Variants in C1QTNF8 observed in about 807,000 individuals in gnomAD.
C1QTNF8 encodes C1q and TNF related 8.
C1QTNF8 carries 27 observed loss-of-function variants against 19.2 expected under a neutral mutation model. That is an observed-to-expected ratio of 1.41 (90% CI 1.04 to 1.94). C1QTNF8 has a LOEUF of 1.94. C1QTNF8 is among the 30% of genes most tolerant of loss of function. C1QTNF8 has a pLI of 0.00. For missense variants in C1QTNF8, 484 were observed against 374.4 expected (o/e 1.29, Z -2.42); for synonymous variants, 208 against 172.8 (o/e 1.20, Z -1.60).
chr16:1,094,812 T>C lies in C1QTNF8; in HGVS notation c.111A>G (p.Gly37=). 4 of 1,500,554 alleles carry C rather than the reference T, an allele frequency of 2.7e-6. No individual in the cohort carries two copies. The highest frequency in any genetic ancestry group is 1.4e-5 in the African/African-American group (1 of 69,442). The allele number at this position is 1,500,554 out of a possible 1,614,324, so 93.0% of individuals were successfully genotyped here. A position where few individuals can be genotyped will look rare whatever the true frequency, so the allele number is the denominator to read the frequency against. The part of the protein sequence containing the change: ...VHCCRPAWPP[G]PYARVSDRDL... Reference sequence around the variant, plus strand: ...CCCTGTCACTCACCCGGGCATAGGGTCCAGGGGGCCAGGCCGGGCGGCAGC... The same window carrying C: ...CCCTGTCACTCACCCGGGCATAGGGCCCAGGGGGCCAGGCCGGGCGGCAGC... Residue 37 remains glycine, a synonymous_variant, in exon 3 of 5, where the codon GGA becomes GGG. Coordinates refer to ENST00000328449, the MANE Select transcript of C1QTNF8 (RefSeq NM_207419.3).
In C1QTNF8 at chr16:1,094,904, G is replaced by T. The variant is rs1960652955; in HGVS notation, c.19C>A (p.Leu7Met). The change falls in exon 3 of 5, where the codon CTG becomes ATG. Residue 7 changes from leucine (L) to methionine (M), a missense_variant. Physicochemically the swap from Leu to Met is conservative, Grantham distance 15. Transcript: ENST00000328449. MAAPAL[L>M]LLALLLPVGA... ...ACGGGCAGCAGCAGTGCTAGGAGCAGCAGGGCGGGGGCTGCCATCTTGGCC... is the reference window on the plus strand; with the variant it reads ...ACGGGCAGCAGCAGTGCTAGGAGCATCAGGGCGGGGGCTGCCATCTTGGCC... The T allele has an allele frequency of 7.5e-7, 1 of 1,339,234 alleles. No individual in the cohort carries two copies. Among genetic ancestry groups the T allele is most frequent in the Non-Finnish European group, 9.6e-7 (1 of 1,039,492 alleles). The allele number at this position is 1,339,234 out of a possible 1,614,324, so 83.0% of individuals were successfully genotyped here.
intron 2 of C1QTNF8, among the ~76,000 whole-genome samples, chr16:1,095,285 TGTGGCTGGGCAGAGCCCTGGGGCGTG>T (rs1289463102): frequency 6.6e-6 from 1 of 152,180 alleles, no homozygotes; most frequent in Non-Finnish European, 1.5e-5. Context: ...CCCCACCCAC[TGTGGCTGGGCAGAGCCCTGGGGCGTG>T]GTGGCTGGTC....
chr16:1,094,656 T>A (rs1391590551), intron 3 of C1QTNF8, 59 bp downstream of exon 3: 7 of 1,439,154 alleles, frequency 4.9e-6, no homozygotes, highest in Middle Eastern at 1.8e-4. Flanking sequence ...TGCTCCCCAC[T>A]CCCTGTGGGC....
rs779789670 is a variant in C1QTNF8, at chr16:1,093,696, G to A, written c.564C>T (p.Pro188=). The A allele has an allele frequency of 1.2e-6, 2 of 1,611,892 alleles. No homozygotes were observed. The highest frequency in any genetic ancestry group is 1.3e-5 in the African/African-American group (1 of 74,894). The part of the protein sequence containing the change: ...TYLHIMLNRR[P]AAVLYAQPSE... The stretch of plus-strand genomic sequence containing the variant: ...TGGGCTGCGCGTAGAGCACGGCCGC[G>A]GGCCGCCGGTTCAGCATGATGTGCA... Residue 188 remains proline (P), a synonymous_variant, in exon 4 of 5, where the codon CCC becomes CCT. Transcript: ENST00000328449.
At chr16:1,091,848 C>A (rs1488305768) in intron 4 of C1QTNF8, among the ~76,000 whole-genome samples, 1 of 145,752 alleles carries the variant, frequency 6.9e-6, no homozygotes, top group East Asian at 1.9e-4. Context: ...CCCACCCTCC[C>A]GGCCACCGTG....
At chr16:1,092,996 A>C (rs113286010) in intron 4 of C1QTNF8, among the ~76,000 whole-genome samples, 18 of 99,266 alleles carry the variant, frequency 1.8e-4, no homozygotes, top group African/African-American at 8.1e-4. Context: ...GTCGGCGCTC[A>C]ATCAATCCCT....
chr16:1,093,268 C>A (rs1960595385), intron 4 of C1QTNF8, among the ~76,000 whole-genome samples: 3 of 132,750 alleles, frequency 2.3e-5, no homozygotes. Context: ...TGCACACAGT[C>A]GGCGCTCAAC....
chr16:1,092,188 T>G (rs1245787298), intron 4 of C1QTNF8, among the ~76,000 whole-genome samples: 3 of 152,194 alleles, frequency 2.0e-5, no homozygotes, highest in Non-Finnish European at 4.4e-5. Flanking sequence ...CCAGCCCCTG[T>G]GAGGGCAGGT....
chr16:1,093,938 G>C lies in C1QTNF8; in HGVS notation c.322C>G (p.Pro108Ala). ...TAGGCACGTCGGCACGCGGCGCCCG[G>C]CGGCCCCACCTGCCCCTTCTGGCCT... Reference protein sequence around the residue: ...RRGQKGQVGPPGAACRRAYAA... With the variant: ...RRGQKGQVGPAGAACRRAYAA... Residue 108 changes from proline to alanine, a missense_variant, in exon 4 of 5, where the codon CCG (proline) becomes GCG (alanine). By Grantham distance (27) the Pro-to-Ala change is conservative (BLOSUM62 -1). Transcript: ENST00000328449. The C allele has an allele frequency of 6.7e-7, 1 of 1,500,290 alleles. No individual in the cohort carries two copies. Among genetic ancestry groups the C allele is most frequent in the South Asian group, 1.3e-5 (1 of 77,814 alleles). 92.9% of individuals were successfully genotyped at this position (1,500,290 alleles called of 1,614,324 possible).
At chr16:1,090,911 G>A (rs973720663) in intron 4 of C1QTNF8, among the ~76,000 whole-genome samples, 1 of 152,332 alleles carries the variant, frequency 6.6e-6, no homozygotes, top group Admixed American at 6.5e-5. Flanking sequence ...CCTGGGGGCT[G>A]CAGCCCGTGC....
Position 1,093,509 on chromosome 16 carries a change from C to T in C1QTNF8, c.751G>A (p.Glu251Lys). The T allele has an allele frequency of 2.0e-6, 3 of 1,533,580 alleles. No homozygotes were observed. Among genetic ancestry groups the T allele is most frequent in the Non-Finnish European group, 2.6e-6 (3 of 1,138,966 alleles). The allele number at this position is 1,533,580 out of a possible 1,614,324, so 95.0% of individuals were successfully genotyped here. A position where few individuals can be genotyped will look rare whatever the true frequency, so the allele number is the denominator to read the frequency against. Residue 251 changes from glutamate (E) to lysine (K), a missense_variant, in exon 4 of 5, where the codon GAG becomes AAG. Transcript: ENST00000328449. ...CGGGGCCCCTCACCCGGCTACAGCT[C>T]GGCGGCCGGCTTGACCAGGTGGCCG... is the stretch of plus-strand genomic sequence containing the variant. ...FSGHLVKPAA[E>K]L is the part of the protein sequence containing the mutation.
chr16:1,091,404 C>T (rs990870739), intron 4 of C1QTNF8, among the ~76,000 whole-genome samples: 8 of 151,838 alleles, frequency 5.3e-5, no homozygotes, highest in Non-Finnish European at 7.4e-5. Context: ...GAGGCTGGGC[C>T]GGAGGGGCTG....
At chr16:1,091,126 G>T (rs151126004) in intron 4 of C1QTNF8, among the ~76,000 whole-genome samples, 11 of 152,162 alleles carry the variant, frequency 7.2e-5, no homozygotes, top group African/African-American at 1.7e-4. Context: ...TCCATGGGCC[G>T]GGATGTCCCA....
rs2151567083 is a variant in C1QTNF8 at position 1,093,938 on chromosome 16, G to A, written c.322C>T (p.Pro108Ser). 1 of 1,500,290 alleles carries A rather than the reference G, an allele frequency of 6.7e-7. No homozygotes were observed. Among genetic ancestry groups the A allele is most frequent in the East Asian group, 2.5e-5 (1 of 39,848 alleles). The allele number at this position is 1,500,290 out of a possible 1,614,324, so 92.9% of individuals were successfully genotyped here. The change falls in exon 4 of 5, where the codon CCG (proline) becomes TCG (serine). Residue 108 changes from proline (P) to serine (S), a missense_variant. Transcript: ENST00000328449. ...TAGGCACGTCGGCACGCGGCGCCCGGCGGCCCCACCTGCCCCTTCTGGCCT... is the reference window on the plus strand; with the variant it reads ...TAGGCACGTCGGCACGCGGCGCCCGACGGCCCCACCTGCCCCTTCTGGCCT... The part of the protein sequence containing the change: ...RRGQKGQVGP[P>S]GAACRRAYAA...
chr16:1,093,776 C>T lies in C1QTNF8; in HGVS notation c.484G>A (p.Gly162Ser), dbSNP rs745525779. The change falls in exon 4 of 5, where the codon GGC becomes AGC. Residue 162 changes from glycine (G) to serine (S), a missense_variant. Gly to Ser is a moderately conservative substitution (Grantham distance 56). Coordinates refer to ENST00000328449, the MANE Select transcript of C1QTNF8 (RefSeq NM_207419.3). ...AAGRFLCTVP[G>S]VYFLSLNVHT... is the part of the protein sequence containing the mutation. ...ACGTTGAGGCTGAGGAAGTAGACGCCGGGCACCGTGCAGAGGAAGCGGCCC... is the reference window on the plus strand; with the variant it reads ...ACGTTGAGGCTGAGGAAGTAGACGCTGGGCACCGTGCAGAGGAAGCGGCCC... 5 of 1,612,104 alleles carry T rather than the reference C, an allele frequency of 3.1e-6. No homozygotes were observed. The highest frequency in any genetic ancestry group is 1.1e-5 in the South Asian group (1 of 91,084).
intron 4 of C1QTNF8, among the ~76,000 whole-genome samples, chr16:1,092,079 A>AG (rs1292889928): frequency 6.6e-6 from 1 of 152,204 alleles, no homozygotes. Context: ...CCACCCCATG[A>AG]GGAGGCACCC....
In C1QTNF8 at chr16:1,093,845, C is replaced by T. The variant is rs1456692758; in HGVS notation, c.415G>A (p.Asp139Asn). ...SSDHFQAVPF[D>N]TELVNLDGAF... ...CCGTCCAGGTTCACCAGCTCCGTGT[C>T]GAAGGGCACCGCCTGGAAGTGGTCG... Residue 139 changes from aspartate (D) to asparagine (N), a missense_variant, in exon 4 of 5, where the codon GAC (aspartate) becomes AAC (asparagine). Coordinates refer to ENST00000328449, the MANE Select transcript of C1QTNF8 (RefSeq NM_207419.3). 1.4e-5 allele frequency: 23 copies of T among 1,605,782 alleles called. No individual in the cohort carries two copies. The highest frequency in any genetic ancestry group is 2.0e-5 in the Non-Finnish European group (23 of 1,179,072).
intron 4 of C1QTNF8, among the ~76,000 whole-genome samples, chr16:1,091,800 CGT>C (rs1019260113): frequency 1.3e-5 from 2 of 150,736 alleles, no homozygotes; most frequent in African/African-American, 2.5e-5. Flanking sequence ...CGCTCAGCCG[CGT>C]GTTTCCTGCC....
At chr16:1,090,768 C>T (rs999733842) in intron 4 of C1QTNF8, among the ~76,000 whole-genome samples, 174 bp from the exon 5 acceptor site, 1 of 152,208 alleles carries the variant, frequency 6.6e-6, no homozygotes, top group Non-Finnish European at 1.5e-5. Flanking sequence ...CAGGCCTGGC[C>T]CAGTGGTGGG....
Sources: gnomAD v4.1 joint callset for allele counts (sites outside exome capture counted in the v4.1 genomes callset) on GRCh38, gnomAD v4.1.1 for gene constraint, MANE v1.5 for transcripts, NCBI Gene and HGNC (gene_info 2026-07-23, HGNC 2026-07-21) for gene names.